Variants in NTM observed in about 807,000 individuals in gnomAD.
NTM encodes IgLON family member 2.
A neutral mutation model predicts 42.1 loss-of-function variants in NTM; 13 were observed. That is an observed-to-expected ratio of 0.31 (90% confidence interval 0.20 to 0.49). The LOEUF is 0.49. Among genes scored for constraint, NTM ranks in the 20% least tolerant of loss-of-function variants. The pLI is 0.99. For missense variants in NTM, 373 were observed against 452.8 expected (o/e 0.82, Z 1.60); for synonymous variants, 187 against 179.2 (o/e 1.04, Z -0.35).
intron 1 of NTM, among the ~76,000 whole-genome samples, chr11:131,618,903 A>G (rs79265996): frequency 6.6e-6 from 1 of 152,366 alleles, no homozygotes; most frequent in African/African-American, 2.4e-5. Context: ...TGAAGAAATG[A>G]GAGTGAAGAC....
intron 1 of NTM, among the ~76,000 whole-genome samples, chr11:131,418,424 C>T (rs541467690): frequency 5.3e-5 from 8 of 152,312 alleles, no homozygotes; most frequent in Non-Finnish European, 7.3e-5. Flanking sequence ...GAAGGTCAGA[C>T]GCCACCTAGA....
At chr11:131,637,009 C>T (rs2064485262) in intron 1 of NTM, among the ~76,000 whole-genome samples, 1 of 152,098 alleles carries the variant, frequency 6.6e-6, no homozygotes, top group Non-Finnish European at 1.5e-5. Flanking sequence ...GCCCTTAAAG[C>T]TGGTTCTTTC....
intron 4 of NTM, among the ~76,000 whole-genome samples, chr11:132,227,333 A>G (rs1448934412): frequency 2.0e-5 from 3 of 152,234 alleles, no homozygotes; most frequent in Admixed American, 6.5e-5. Flanking sequence ...AGACATTGGA[A>G]AGAAGGGTTC....
At chr11:131,680,469 C>CTCTG (rs1565414569) in intron 1 of NTM, among the ~76,000 whole-genome samples, 4 of 47,056 alleles carry the variant, frequency 8.5e-5, no homozygotes, top group African/African-American at 1.4e-4. Flanking sequence ...CTGTGAGTGC[C>CTCTG]TGTGTGTGTG....
rs566754282 is a variant in NTM, at chr11:132,140,252, A to G, written c.168-6030A>G. Among the ~76,000 whole-genome samples, 7 of 152,226 alleles carry G rather than the reference A, an allele frequency of 4.6e-5. No homozygotes were observed. In the South Asian group the frequency reaches 1.2e-3, roughly 27 times the overall value. On this transcript the variant is annotated intron_variant, in intron 2 of 8. Coordinates refer to ENST00000683400, the MANE Select transcript of NTM (RefSeq NM_001352005.2). ...CTCCCGGAGCCTCTCTCTGACTACA[A>G]CTACCTCCTAGCGGTGTGGGACTCA...
At chr11:131,523,070 C>A (rs1347580480) in intron 1 of NTM, among the ~76,000 whole-genome samples, 1 of 152,212 alleles carries the variant, frequency 6.6e-6, no homozygotes, top group Non-Finnish European at 1.5e-5. Flanking sequence ...AGTGCATCAT[C>A]TTTGAGATGG....
chr11:131,572,346 A>C (rs1216255312), intron 1 of NTM, among the ~76,000 whole-genome samples: 2 of 152,166 alleles, frequency 1.3e-5, no homozygotes, highest in Non-Finnish European at 2.9e-5. Flanking sequence ...GAACAATTTA[A>C]GATATTTGCC....
intron 1 of NTM, among the ~76,000 whole-genome samples, chr11:131,906,211 C>A (rs939827345): frequency 6.6e-6 from 1 of 152,098 alleles, no homozygotes; most frequent in Non-Finnish European, 1.5e-5. Flanking sequence ...CAAAGTGATT[C>A]TGGGCAATCA....
chr11:131,827,831 C>A (rs1325196001), intron 1 of NTM, among the ~76,000 whole-genome samples: 1 of 152,162 alleles, frequency 6.6e-6, no homozygotes, highest in South Asian at 2.1e-4. Flanking sequence ...TGGACAGCTA[C>A]CTTGTTAATT....
chr11:132,188,256 T>C (rs2078745758), intron 3 of NTM, among the ~76,000 whole-genome samples: 1 of 152,166 alleles, frequency 6.6e-6, no homozygotes, highest in Non-Finnish European at 1.5e-5. Flanking sequence ...TCAGTAGTGC[T>C]GAGGTTGAGG....
chr11:131,528,258 C>T (rs1356679871), intron 1 of NTM, among the ~76,000 whole-genome samples: 1 of 152,160 alleles, frequency 6.6e-6, no homozygotes, highest in Non-Finnish European at 1.5e-5. Flanking sequence ...CAATAGAATT[C>T]ATGTAAGTTT....
intron 1 of NTM, among the ~76,000 whole-genome samples, chr11:131,655,225 G>A (rs1405927469): frequency 6.6e-6 from 1 of 152,168 alleles, no homozygotes; most frequent in Admixed American, 6.5e-5. Context: ...AGTCATTCTT[G>A]TGTGCAGACA....
intron 4 of NTM, among the ~76,000 whole-genome samples, chr11:132,248,593 G>C (rs1162673866): frequency 2.0e-5 from 3 of 152,158 alleles, no homozygotes; most frequent in Non-Finnish European, 2.9e-5. Flanking sequence ...AGTGTTGTTT[G>C]TTCTTTCTGA....
chr11:132,060,709 C>T (rs1373989785), intron 2 of NTM, among the ~76,000 whole-genome samples: 3 of 152,128 alleles, frequency 2.0e-5, no homozygotes, highest in Non-Finnish European at 4.4e-5. Flanking sequence ...AATCTCTGTG[C>T]GGTTGCAGGC....
At chr11:131,976,816 T>G (rs1229913259) in intron 2 of NTM, among the ~76,000 whole-genome samples, 1 of 152,220 alleles carries the variant, frequency 6.6e-6, no homozygotes, top group Admixed American at 6.5e-5. Context: ...GCGAAAGTGC[T>G]ACATGATAAC....
At chr11:131,800,861 G>A in intron 1 of NTM, among the ~76,000 whole-genome samples, 1 of 152,168 alleles carries the variant, frequency 6.6e-6, no homozygotes, top group East Asian at 1.9e-4. Context: ...CAAGGAAATG[G>A]AGTTGAAATT....
At chr11:131,694,450 G>C (rs535045673) in intron 1 of NTM, among the ~76,000 whole-genome samples, 3 of 152,222 alleles carry the variant, frequency 2.0e-5, no homozygotes, top group Non-Finnish European at 4.4e-5. Flanking sequence ...GGAAAGGCCT[G>C]TGACAGAGTG....
At chr11:132,165,915 T>G (rs1218288531) in intron 3 of NTM, among the ~76,000 whole-genome samples, 2 of 152,320 alleles carry the variant, frequency 1.3e-5, no homozygotes, top group Admixed American at 6.5e-5. Flanking sequence ...TACTGTACAG[T>G]GCCTTGAGCA....
intron 1 of NTM, among the ~76,000 whole-genome samples, chr11:131,565,245 C>T (rs574953433): frequency 1.3e-5 from 2 of 152,330 alleles, no homozygotes; most frequent in African/African-American, 4.8e-5. Flanking sequence ...CCAGCCTCAA[C>T]CAAACACCAG....
Sources: gnomAD v4.1 joint callset for allele counts (sites outside exome capture counted in the v4.1 genomes callset) on GRCh38, gnomAD v4.1.1 for gene constraint, MANE v1.5 for transcripts, NCBI Gene and HGNC (gene_info 2026-07-23, HGNC 2026-07-21) for gene names.